SEC22C: variants seen among roughly 807,000 people sequenced by gnomAD.
SEC22C encodes SEC22 homolog C, vesicle trafficking protein, also known as vesicle-trafficking protein SEC22c.
SEC22C carries 29 observed loss-of-function variants against 34.7 expected under a neutral mutation model. The ratio of observed to expected loss-of-function variants is 0.84; its 90% confidence interval spans 0.62 to 1.14. The LOEUF (loss-of-function observed/expected upper bound fraction) is 1.14. Ranked by LOEUF, SEC22C falls within the 50% of genes most tolerant of loss-of-function variation. The pLI is 0.00. For synonymous variants in SEC22C, 117 were observed against 132.8 expected, an observed-to-expected ratio of 0.88 and a Z score of 0.82; for missense variants, 337 against 369.0, an observed-to-expected ratio of 0.91 and a Z score of 0.71.
At chr3:42,599,066 C>T (rs1289965961) in intron 1 of SEC22C, among the ~76,000 whole-genome samples, 2 of 151,678 alleles carry the variant, frequency 1.3e-5, no homozygotes, top group Non-Finnish European at 2.9e-5. Flanking sequence ...CCCAGGTTCA[C>T]GCCATTCTTC....
chr3:42,591,615 C>A, intron 1 of SEC22C: 3 of 1,592,252 alleles, frequency 1.9e-6, no homozygotes, highest in Non-Finnish European at 2.6e-6. Flanking sequence ...AGTACCCCCA[C>A]CCCCGCGCCC....
chr3:42,571,647 G>A (rs1170987443), intron 1 of SEC22C, among the ~76,000 whole-genome samples: 1 of 152,172 alleles, frequency 6.6e-6, no homozygotes, highest in Non-Finnish European at 1.5e-5. Flanking sequence ...TCTTTACAGG[G>A]ATTTGATATT....
Position 42,561,292 on chromosome 3 carries a change from G to A in SEC22C, c.351C>T (p.Ser117=). Residue 117 remains serine, a synonymous_variant, in exon 4 of 7, where the codon AGC becomes AGT. Coordinates refer to ENST00000264454, the MANE Select transcript of SEC22C (RefSeq NM_032970.4). ...SRPYAFLEFD[S]IIQKVKWHFN... Reference sequence around the variant, plus strand: ...AATGCCACTTCACTTTCTGAATGATGCTGTCTGCAAAAAGAGAGCAACACA... The same window carrying A: ...AATGCCACTTCACTTTCTGAATGATACTGTCTGCAAAAAGAGAGCAACACA... 1.2e-6 allele frequency: 2 copies of A among 1,614,002 alleles called. No individual in the cohort carries two copies. The highest frequency in any genetic ancestry group is 1.7e-6 in the Non-Finnish European group (2 of 1,179,862).
intron 1 of SEC22C, among the ~76,000 whole-genome samples, chr3:42,588,951 G>T (rs1704714586): frequency 6.6e-6 from 1 of 151,880 alleles, no homozygotes; most frequent in African/African-American, 2.4e-5. Flanking sequence ...TCTCTCACCG[G>T]GTTTACCTCT....
chr3:42,561,868 G>A lies in SEC22C; in HGVS notation c.347-572C>T, dbSNP rs556805048. ...ATCACAGAACCTCAGTGATGAGAGA[G>A]TCGGGGGAAAGGGGCATGCGTCTTA... On this transcript the variant is annotated intron_variant, in intron 3 of 6. Transcript: ENST00000264454. Among the ~76,000 whole-genome samples the A allele has an allele frequency of 2.0e-5, 3 of 152,278 alleles. No homozygotes were observed. In the South Asian group the frequency reaches 6.2e-4, roughly 32 times the overall value.
At chr3:42,567,085 T>A (rs927339928) in intron 2 of SEC22C, among the ~76,000 whole-genome samples, 7 of 152,098 alleles carry the variant, frequency 4.6e-5, no homozygotes, top group African/African-American at 1.7e-4. Flanking sequence ...TAATTTTTAA[T>A]TTTTTTGTAG....
At chr3:42,580,779 TGGGAATTA>T in intron 1 of SEC22C, among the ~76,000 whole-genome samples, 2 of 152,236 alleles carry the variant, frequency 1.3e-5, no homozygotes, top group Non-Finnish European at 2.9e-5. Context: ...AATCCAACTT[TGGGAATTA>T]CAGCTACTCC....
chr3:42,599,181 G>T (rs556886614), intron 1 of SEC22C, among the ~76,000 whole-genome samples: 2 of 151,088 alleles, frequency 1.3e-5, no homozygotes, highest in East Asian at 2.0e-4. Context: ...TAGCCAGGAT[G>T]GTCTCGATCT....
In SEC22C at chr3:42,570,258, A is replaced by G. The variant is rs115537565; in HGVS notation, c.-27-1185T>C. 7.8e-3 allele frequency among the ~76,000 whole-genome samples: 1,181 copies of G among 152,264 alleles called. 22 individuals carry two copies. The highest frequency in any genetic ancestry group is 0.027 in the African/African-American group (1,127 of 41,534). On this transcript the variant is annotated intron_variant, in intron 1 of 6. Coordinates refer to ENST00000264454, the MANE Select transcript of SEC22C (RefSeq NM_032970.4). ...GCAATGCCACTCCTTTCATCTCTCC[A>G]TATCCAAATGCAAATCAAAGACTGT...
intron 1 of SEC22C, chr3:42,600,343 T>C (rs913889626): frequency 6.6e-6 from 1 of 152,186 alleles, no homozygotes; most frequent in Non-Finnish European, 1.5e-5. Flanking sequence ...TTCACTCAGT[T>C]CCTTCACAGC....
intron 1 of SEC22C, among the ~76,000 whole-genome samples, chr3:42,574,180 G>A (rs1559526444): frequency 6.6e-6 from 1 of 151,966 alleles, no homozygotes; most frequent in African/African-American, 2.4e-5. Context: ...AAACATGGAG[G>A]CCAAAAGGAA....
At chr3:42,598,417 TC>T (rs1343623828) in intron 1 of SEC22C, among the ~76,000 whole-genome samples, 1 of 149,824 alleles carries the variant, frequency 6.7e-6, no homozygotes, top group Non-Finnish European at 1.5e-5. Context: ...AATCTCTGCC[TC>T]CCGGGTTCAA....
rs1475727473 is a variant in SEC22C at position 42,548,910 on chromosome 3, A to G, written c.*4338T>C. ...CCCACACACAATGGACTCACCCAGT[A>G]TTACCCTCCACTACCACTTTTGACC... is the stretch of plus-strand genomic sequence containing the variant. On this transcript the variant is annotated 3_prime_UTR_variant, in exon 7 of 7. Coordinates refer to ENST00000264454, the MANE Select transcript of SEC22C (RefSeq NM_032970.4). 1.8e-5 allele frequency: 24 copies of G among 1,315,118 alleles called. No homozygotes were observed. The highest frequency in any genetic ancestry group is 2.1e-5 in the Non-Finnish European group (22 of 1,028,060). 81.5% of individuals were successfully genotyped at this position (1,315,118 alleles called of 1,614,324 possible).
At chr3:42,555,790 T>C (rs1483475818) in intron 6 of SEC22C, 140 bp downstream of exon 6, 11 of 706,518 alleles carry the variant, frequency 1.6e-5, no homozygotes, top group Non-Finnish European at 2.5e-5. Flanking sequence ...GGTCCTCCAC[T>C]AAGGGCTTGG....
chr3:42,582,133 G>C (rs1704422254), upstream of SEC22C: 1 of 152,334 alleles, frequency 6.6e-6, no homozygotes, highest in Middle Eastern at 3.4e-3. Context: ...GACCCAAACG[G>C]AGAGGGAGTG....
In SEC22C at chr3:42,568,861, T is replaced by C; in HGVS notation, c.182+4A>G. ...ATTCTGAAAAAGTGAATATGATCAC[T>C]TACTGTATACTAAAGTCACAACCTT... On this transcript the variant is annotated splice_donor_region_variant and intron_variant, in intron 2 of 6. Coordinates refer to ENST00000264454, the MANE Select transcript of SEC22C (RefSeq NM_032970.4). 6.2e-7 allele frequency: 1 copy of C among 1,613,746 alleles called. No homozygotes were observed. Among genetic ancestry groups the C allele is most frequent in the East Asian group, 2.2e-5 (1 of 44,882 alleles).
chr3:42,551,811 A>G lies in SEC22C; in HGVS notation c.*1437T>C, dbSNP rs973548644. 2.4e-5 allele frequency: 23 copies of G among 977,774 alleles called. No homozygotes were observed. Among genetic ancestry groups the G allele is most frequent in the Middle Eastern group, 5.2e-4 (1 of 1,926 alleles). The allele number at this position is 977,774 out of a possible 1,614,324, so 60.6% of individuals were successfully genotyped here. A position where few individuals can be genotyped will look rare whatever the true frequency, so the allele number is the denominator to read the frequency against. On this transcript the variant is annotated 3_prime_UTR_variant, in exon 7 of 7. Coordinates refer to ENST00000264454, the MANE Select transcript of SEC22C (RefSeq NM_032970.4). ...ACCAGTGATAACCAAATATAATTGAATTTTTCTAAAACTACATTCTTACAT... is the reference window on the plus strand; with the variant it reads ...ACCAGTGATAACCAAATATAATTGAGTTTTTCTAAAACTACATTCTTACAT...
chr3:42,550,183 T>A lies in SEC22C; in HGVS notation c.*3065A>T. 1 of 985,474 alleles carries A rather than the reference T, an allele frequency of 1.0e-6. No individual in the cohort carries two copies. The highest frequency in any genetic ancestry group is 4.7e-5 in the South Asian group (1 of 21,286). The allele number at this position is 985,474 out of a possible 1,614,324, so 61.0% of individuals were successfully genotyped here. On this transcript the variant is annotated 3_prime_UTR_variant, in exon 7 of 7. Transcript: ENST00000264454. ...ATACAGTAGATGGGACTTAACACAC[T>A]CTGATGCTCAAGGCCTTGCAGCATC...
rs1331967536 is a variant in SEC22C, at chr3:42,590,965, G to A, written c.-28+9995C>T. 3.1e-6 allele frequency: 5 copies of A among 1,608,216 alleles called. No homozygotes were observed. The South Asian group carries it at 4.4e-5, about 14-fold the overall frequency. On this transcript the variant is annotated intron_variant, in intron 1 of 6. Coordinates refer to the SEC22C transcript ENST00000417572. ...GAAGTCAATCAAGAGACTATCCAGC[G>A]GGTGAGCATCCACGCGGGCGGGCGG...
Sources: allele counts gnomAD v4.1 joint callset (sites outside exome capture counted in the v4.1 genomes callset), GRCh38; gene constraint gnomAD v4.1.1; transcripts MANE v1.5; gene names NCBI Gene and HGNC (gene_info 2026-07-23, HGNC 2026-07-21).